Variants in MLPH observed in about 807,000 individuals in gnomAD.
MLPH encodes the protein melanophilin, also known as exophilin-3.
Under a neutral mutation model 72.1 loss-of-function variants are expected in MLPH, and 51 were observed. The observed-to-expected ratio is 0.71, with a 90% CI of 0.56 to 0.89. MLPH has a LOEUF of 0.89. Ranked by LOEUF, MLPH falls within the 40% of genes least tolerant of loss-of-function variation. MLPH has a pLI of 0.00. For synonymous variants in MLPH, 301 were observed against 310.1 expected, an observed-to-expected ratio of 0.97 and a Z score of 0.31; for missense variants, 743 against 759.9, an observed-to-expected ratio of 0.98 and a Z score of 0.26.
chr2:237,550,024 C>G (rs1036679238), intron 14 of MLPH, among the ~76,000 whole-genome samples: 13 of 152,238 alleles, frequency 8.5e-5, no homozygotes, highest in African/African-American at 2.9e-4. Flanking sequence ...CCATTTGTCA[C>G]ACACTGGAGC....
intron 14 of MLPH, among the ~76,000 whole-genome samples, chr2:237,549,553 G>A (rs1409491012): frequency 1.3e-5 from 2 of 152,160 alleles, no homozygotes; most frequent in East Asian, 3.8e-4. Context: ...TACATAAATT[G>A]TCCTAACGTG....
rs148408650 is a variant in MLPH, at chr2:237,494,818, G to A, written c.110+1282G>A. ...AGAGGAGATGCGTTACGAGAGCTTC[G>A]TAAAGGTGAAGCTTCATATGGTGAA... On this transcript the variant is annotated intron_variant, in intron 2 of 15. Coordinates refer to ENST00000264605, the MANE Select transcript of MLPH (RefSeq NM_024101.7). Among the ~76,000 whole-genome samples, 591 of 152,304 alleles carry A rather than the reference G, an allele frequency of 3.9e-3. 15 individuals carry two copies. Among genetic ancestry groups the A allele is most frequent in the Admixed American group, 0.034 (513 of 15,302 alleles).
rs1277377438 is a variant in MLPH at position 237,518,464 on chromosome 2, G to C, written c.446-75G>C. ...TAGATGGATAGATTAGTGGATGGATGGGTGGATGGGCTGACAAATGGCTTG... is the reference window on the plus strand; with the variant it reads ...TAGATGGATAGATTAGTGGATGGATCGGTGGATGGGCTGACAAATGGCTTG... On this transcript the variant is annotated intron_variant, in intron 4 of 15. Transcript: ENST00000264605. 4 of 1,184,626 alleles carry C rather than the reference G, an allele frequency of 3.4e-6. No homozygotes were observed. In the African/African-American group the frequency reaches 4.6e-5, roughly 14 times the overall value. 73.4% of individuals were successfully genotyped at this position (1,184,626 alleles called of 1,614,324 possible).
intron 9 of MLPH, among the ~76,000 whole-genome samples, chr2:237,538,060 C>A (rs1223286847): frequency 6.6e-6 from 1 of 152,204 alleles, no homozygotes; most frequent in African/African-American, 2.4e-5. Flanking sequence ...GACTTCGTCA[C>A]CTGGGAAGAG....
At position 237,534,573 on chromosome 2, in the gene MLPH, C is replaced by T; in HGVS notation, c.1030C>T (p.Leu344=). The T allele has an allele frequency of 6.2e-7, 1 of 1,613,504 alleles. No homozygotes were observed. Among genetic ancestry groups the T allele is most frequent in the African/African-American group, 1.3e-5 (1 of 74,986 alleles). ...TCTCCTTCTGCTGCAGATCTTTGAGCTGAATAAGCATATTTCAGCTGTGGA... is the reference window on the plus strand; with the variant it reads ...TCTCCTTCTGCTGCAGATCTTTGAGTTGAATAAGCATATTTCAGCTGTGGA... ...RASSESQIFE[L]NKHISAVECL... The change falls in exon 9 of 16, where the codon CTG becomes TTG. Residue 344 remains leucine, a synonymous_variant. Transcript: ENST00000264605.
chr2:237,539,386 C>T (rs2080617314), intron 9 of MLPH, among the ~76,000 whole-genome samples: 1 of 152,220 alleles, frequency 6.6e-6, no homozygotes, highest in Non-Finnish European at 1.5e-5. Context: ...ATGATGTCTG[C>T]AAGGTTCTTG....
At chr2:237,523,120 G>A (rs540765962) in intron 6 of MLPH, among the ~76,000 whole-genome samples, 212 of 152,356 alleles carry the variant, frequency 1.4e-3, no homozygotes, top group Non-Finnish European at 2.6e-3. Flanking sequence ...GTGCTGCTGG[G>A]ATAAATATTG....
intron 2 of MLPH, 91 bp downstream of exon 2, chr2:237,493,627 C>A: frequency 1.1e-6 from 1 of 905,080 alleles, no homozygotes; most frequent in Non-Finnish European, 1.8e-6. Flanking sequence ...GGTCAACAGC[C>A]ACGTGCAGGG....
Position 237,527,399 on chromosome 2 carries a change from G to C in MLPH, c.903G>C (p.Glu301Asp). The C allele has an allele frequency of 6.2e-7, 1 of 1,614,206 alleles. No homozygotes were observed. The highest frequency in any genetic ancestry group is 8.5e-7 in the Non-Finnish European group (1 of 1,180,044). The part of the protein sequence containing the change: ...AALGSNVIRN[E>D]QLPLQYLADV... ...AAGGGTCGAATGTCATCAGGAATGAGCAGCTGCCCCTGCAGTACTTGGCCG... is the reference window on the plus strand; with the variant it reads ...AAGGGTCGAATGTCATCAGGAATGACCAGCTGCCCCTGCAGTACTTGGCCG... Residue 301 changes from glutamate to aspartate, a missense_variant, in exon 8 of 16, where the codon GAG becomes GAC. Transcript: ENST00000264605.
chr2:237,514,137 T>C (rs571614597), intron 4 of MLPH, among the ~76,000 whole-genome samples: 1 of 152,308 alleles, frequency 6.6e-6, no homozygotes, highest in South Asian at 2.1e-4. Context: ...GTGGGGAACC[T>C]AGCAAGGTCT....
At position 237,505,703 on chromosome 2, in the gene MLPH, GA is replaced by G. The variant is rs564275172; in HGVS notation, c.111-4870del. 1.9e-3 allele frequency among the ~76,000 whole-genome samples: 291 copies of G among 152,270 alleles called. 2 individuals are homozygous for G. Among genetic ancestry groups the G allele is most frequent in the African/African-American group, 6.8e-3 (284 of 41,568 alleles). ...CAATCCTGTCCAGACCCCATCATAG[GA>G]GCGGCCTTTCCTTCCTGTTCCCGTC... On this transcript the variant is annotated intron_variant, in intron 2 of 15. Coordinates refer to ENST00000264605, the MANE Select transcript of MLPH (RefSeq NM_024101.7). This position sits in a 1 kb window ranked among gnomAD's most constrained non-coding sequence, Gnocchi z 4.5.
rs1382179653 is a variant in MLPH, at chr2:237,515,893, A to C, written c.446-2646A>C. 2.0e-5 allele frequency among the ~76,000 whole-genome samples: 3 copies of C among 152,124 alleles called. No homozygotes were observed. The East Asian group carries it at 5.8e-4, about 29-fold the overall frequency. ...CTCCTTCCTTTTCCCACTCTCACTCACTGCGAGCCGAGCCCTCACAGAGGA... is the reference window on the plus strand; with the variant it reads ...CTCCTTCCTTTTCCCACTCTCACTCCCTGCGAGCCGAGCCCTCACAGAGGA... On this transcript the variant is annotated intron_variant, in intron 4 of 15. Transcript: ENST00000264605.
chr2:237,534,036 G>A (rs1382794720), intron 8 of MLPH, among the ~76,000 whole-genome samples: 1 of 152,220 alleles, frequency 6.6e-6, no homozygotes, highest in East Asian at 1.9e-4. Flanking sequence ...CTCAGTCTGG[G>A]AGCTAATAGA....
chr2:237,546,365 T>G, intron 12 of MLPH: 1 of 551,940 alleles, frequency 1.8e-6, no homozygotes, highest in East Asian at 3.2e-5. Flanking sequence ...TCTCAAGATT[T>G]GTTTTCTTTT....
chr2:237,507,985 T>C (rs2106283725), intron 2 of MLPH, among the ~76,000 whole-genome samples: 1 of 152,318 alleles, frequency 6.6e-6, no homozygotes, highest in Non-Finnish European at 1.5e-5. Context: ...AAGAGCTTCC[T>C]GTCCTCCTCC....
intron 1 of MLPH, among the ~76,000 whole-genome samples, chr2:237,491,319 TA>T (rs1487828490): frequency 6.6e-6 from 1 of 152,182 alleles, no homozygotes; most frequent in Non-Finnish European, 1.5e-5. Context: ...AAGGAAAACT[TA>T]TTGAAATTAC....
chr2:237,489,937 T>C (rs6706729), intron 1 of MLPH, among the ~76,000 whole-genome samples: 13,737 of 152,256 alleles, frequency 0.09, 774 homozygotes, highest in Non-Finnish European at 0.13. Flanking sequence ...TCCCTGCCTA[T>C]TAATCCCTGT....
chr2:237,502,333 C>T (rs1235412857), intron 2 of MLPH, among the ~76,000 whole-genome samples: 1 of 152,098 alleles, frequency 6.6e-6, no homozygotes, highest in Non-Finnish European at 1.5e-5. Flanking sequence ...TCCTTCTGTC[C>T]CCAGAAGAGC....
At chr2:237,534,360 T>G (rs903450451) in intron 8 of MLPH, among the ~76,000 whole-genome samples, 1 of 152,142 alleles carries the variant, frequency 6.6e-6, no homozygotes, top group Non-Finnish European at 1.5e-5. Context: ...TTGGTTCCGC[T>G]CCAAGATTTT....
Sources: gnomAD v4.1 joint callset for allele counts (sites outside exome capture counted in the v4.1 genomes callset) on GRCh38, gnomAD v4.1.1 for gene constraint, Gnocchi (gnomAD v3.1) non-coding constraint, MANE v1.5 for transcripts, NCBI Gene and HGNC (gene_info 2026-07-23, HGNC 2026-07-21) for gene names.